TRIM44: variants seen among roughly 807,000 people sequenced by gnomAD.
TRIM44 encodes tripartite motif-containing protein 44.
A neutral mutation model predicts 37.4 loss-of-function variants in TRIM44; 13 were observed. The observed-to-expected ratio is 0.35, with a 90% confidence interval of 0.23 to 0.55. TRIM44 has a LOEUF of 0.55. Ranked by LOEUF, TRIM44 falls within the 20% of genes least tolerant of loss-of-function variation. The pLI is 0.89. For missense variants in TRIM44, 426 were observed against 437.2 expected, an observed-to-expected ratio of 0.97 and a Z score of 0.23; for synonymous variants, 175 against 157.2, an observed-to-expected ratio of 1.11 and a Z score of -0.85.
At chr11:35,762,507 C>G (rs1189844047) in intron 4 of TRIM44, among the ~76,000 whole-genome samples, 2 of 152,118 alleles carry the variant, frequency 1.3e-5, no homozygotes, top group Non-Finnish European at 2.9e-5. Flanking sequence ...GGGAATAAGT[C>G]TTTATTGAGC....
At chr11:35,757,137 C>G (rs1202981795) in intron 4 of TRIM44, among the ~76,000 whole-genome samples, 1 of 152,146 alleles carries the variant, frequency 6.6e-6, no homozygotes, top group Non-Finnish European at 1.5e-5. Context: ...TGGTTCTGGA[C>G]TTTTTCAGTT....
In TRIM44 at chr11:35,663,037, G is replaced by A. The variant is rs1477987073; in HGVS notation, c.-75G>A. 16 of 1,442,664 alleles carry A rather than the reference G, an allele frequency of 1.1e-5. No individual in the cohort carries two copies. Among genetic ancestry groups the A allele is most frequent in the Non-Finnish European group, 1.4e-5 (15 of 1,104,258 alleles). The allele number at this position is 1,442,664 out of a possible 1,614,324, so 89.4% of individuals were successfully genotyped here. A position where few individuals can be genotyped will look rare whatever the true frequency, so the allele number is the denominator to read the frequency against. On this transcript the variant is annotated 5_prime_UTR_variant, in exon 1 of 5. Coordinates refer to ENST00000299413, the MANE Select transcript of TRIM44 (RefSeq NM_017583.6). Reference sequence around the variant, plus strand: ...CCTAGGAAGGGACCCGGGGCGGGAGGAGGAAGTGAGGCCGCGCGGAAGGAA... The same window carrying A: ...CCTAGGAAGGGACCCGGGGCGGGAGAAGGAAGTGAGGCCGCGCGGAAGGAA...
At chr11:35,806,236 C>G in intron 4 of TRIM44, 122 bp from the exon 5 acceptor site, 1 of 1,057,598 alleles carries the variant, frequency 9.5e-7, no homozygotes. Flanking sequence ...ATTGCTCAAT[C>G]ATGGTAGTTA....
chr11:35,702,811 A>G lies in TRIM44; in HGVS notation c.747+17475A>G, dbSNP rs1393923371. ...CCGAATAGGAACAGCTCCAGTCTAC[A>G]GCTCCCAGCGTGAGCAACGCAGAAG... is the stretch of plus-strand genomic sequence containing the variant. On this transcript the variant is annotated intron_variant, in intron 2 of 4. Transcript: ENST00000299413. Among the ~76,000 whole-genome samples, 5 of 152,250 alleles carry G rather than the reference A, an allele frequency of 3.3e-5. No individual in the cohort carries two copies. The East Asian group carries it at 9.6e-4, about 29-fold the overall frequency.
chr11:35,689,064 T>A (rs563797884), intron 2 of TRIM44, among the ~76,000 whole-genome samples: 16 of 152,198 alleles, frequency 1.1e-4, no homozygotes, highest in African/African-American at 3.4e-4. Context: ...AAGAGGTGGG[T>A]TAGGAAGTCA....
intron 4 of TRIM44, among the ~76,000 whole-genome samples, chr11:35,779,642 A>G (rs754799955): frequency 3.3e-5 from 5 of 152,038 alleles, no homozygotes; most frequent in East Asian, 1.9e-4. Context: ...TCTTGTTGCA[A>G]TTGCTTTTGA....
At chr11:35,665,865 GGTGTTAGCCA>G (rs1851326362) in intron 1 of TRIM44, among the ~76,000 whole-genome samples, 2 of 151,732 alleles carry the variant, frequency 1.3e-5, no homozygotes. Flanking sequence ...TGGGATTATA[GGTGTTAGCCA>G]CTGTGCCCAG....
At position 35,812,523 on chromosome 11, in the gene TRIM44, C is replaced by G. The variant is rs1853539718; in HGVS notation, c.*6138C>G. 1 of 152,196 alleles carries G rather than the reference C, an allele frequency of 6.6e-6. No individual in the cohort carries two copies. Among genetic ancestry groups the G allele is most frequent in the South Asian group, 2.1e-4 (1 of 4,830 alleles). The allele number at this position is 152,196 out of a possible 1,614,324, so 9.4% of individuals were successfully genotyped here. A position where few individuals can be genotyped will look rare whatever the true frequency, so the allele number is the denominator to read the frequency against. On this transcript the variant is annotated 3_prime_UTR_variant, in exon 5 of 5. Coordinates refer to ENST00000299413, the MANE Select transcript of TRIM44 (RefSeq NM_017583.6). ...TAACAGCACCAATACTATCATTCCC[C>G]ACTTTGTTGCTCAGGAATCAAATTT... is the stretch of plus-strand genomic sequence containing the variant.
chr11:35,671,426 T>A (rs1308991915), intron 1 of TRIM44, among the ~76,000 whole-genome samples: 1 of 152,228 alleles, frequency 6.6e-6, no homozygotes, highest in African/African-American at 2.4e-5. Context: ...ACTTTAACAA[T>A]GCTTAACACA....
intron 2 of TRIM44, among the ~76,000 whole-genome samples, chr11:35,710,524 T>C (rs1204132728): frequency 1.3e-5 from 2 of 152,110 alleles, no homozygotes; most frequent in Non-Finnish European, 2.9e-5. Context: ...CCCAAAGAGG[T>C]AGCTTTGAGT....
Position 35,743,661 on chromosome 11 carries a change from C to T in TRIM44, c.1007+8216C>T, listed in dbSNP as rs554946028. On this transcript the variant is annotated intron_variant, in intron 4 of 4. Coordinates refer to ENST00000299413, the MANE Select transcript of TRIM44 (RefSeq NM_017583.6). ...TTCTTTCTTTTCTTTTTTTCCACCA[C>T]GTTTATTACATAAAAGACACTGATA... Among the ~76,000 whole-genome samples, 11 of 152,202 alleles carry T rather than the reference C, an allele frequency of 7.2e-5. No homozygotes were observed. The South Asian group carries it at 1.0e-3, about 14-fold the overall frequency.
chr11:35,739,722 A>G (rs890891741), intron 4 of TRIM44, among the ~76,000 whole-genome samples: 1 of 152,112 alleles, frequency 6.6e-6, no homozygotes, highest in African/African-American at 2.4e-5. Flanking sequence ...TCAAACTGGT[A>G]TCTTACTCCT....
intron 4 of TRIM44, among the ~76,000 whole-genome samples, chr11:35,797,242 A>T (rs1853305512): frequency 6.6e-6 from 1 of 152,236 alleles, no homozygotes; most frequent in Admixed American, 6.5e-5. Context: ...TGAGCAACAA[A>T]ATAGTAATAT....
intron 4 of TRIM44, among the ~76,000 whole-genome samples, chr11:35,804,328 AAG>A (rs1334631033): frequency 5.3e-5 from 8 of 152,192 alleles, no homozygotes; most frequent in African/African-American, 1.9e-4. Context: ...GGCAACCAAA[AAG>A]AGTTTATTTA....
chr11:35,664,267 A>G (rs925753346), intron 1 of TRIM44, among the ~76,000 whole-genome samples: 30 of 152,310 alleles, frequency 2.0e-4, no homozygotes, highest in African/African-American at 7.2e-4. Flanking sequence ...ATGTGCCCCG[A>G]GTTCATTTTA....
intron 4 of TRIM44, among the ~76,000 whole-genome samples, chr11:35,784,220 C>T (rs1360726956): frequency 6.6e-6 from 1 of 152,200 alleles, no homozygotes; most frequent in Non-Finnish European, 1.5e-5. Flanking sequence ...GGCCAGAATG[C>T]TCCAGACATT....
At chr11:35,685,670 C>CTT (rs1386402558) in intron 2 of TRIM44, among the ~76,000 whole-genome samples, 67 of 147,478 alleles carry the variant, frequency 4.5e-4, no homozygotes, top group Non-Finnish European at 5.3e-4. Context: ...TACAGATCAT[C>CTT]TTTTTTTTTT....
chr11:35,666,381 CA>C (rs1341610637), intron 1 of TRIM44, among the ~76,000 whole-genome samples: 1 of 152,128 alleles, frequency 6.6e-6, no homozygotes, highest in Non-Finnish European at 1.5e-5. Flanking sequence ...TGGCACTTTA[CA>C]TTTCTTAGAA....
At chr11:35,694,117 A>G (rs1012210081) in intron 2 of TRIM44, among the ~76,000 whole-genome samples, 1 of 152,184 alleles carries the variant, frequency 6.6e-6, no homozygotes, top group Non-Finnish European at 1.5e-5. Context: ...ACAGCTGCAC[A>G]TACACAGATA....
Sources: allele counts gnomAD v4.1 joint callset (sites outside exome capture counted in the v4.1 genomes callset), GRCh38; gene constraint gnomAD v4.1.1; transcripts MANE v1.5; gene names NCBI Gene and HGNC (gene_info 2026-07-23, HGNC 2026-07-21).